PLXNA4: variants seen among roughly 807,000 people sequenced by gnomAD.
PLXNA4 encodes the protein plexin-A4.
A neutral mutation model predicts 191.8 loss-of-function variants in PLXNA4; 44 were observed. The observed-to-expected ratio is 0.23, with a 90% CI of 0.18 to 0.29. The LOEUF is 0.29. PLXNA4 is among the 10% of genes least tolerant of loss of function. The pLI is 1.00. For missense variants in PLXNA4, 1,800 were observed against 2,488.8 expected, an observed-to-expected ratio of 0.72 and a Z score of 5.89; for synonymous variants, 1,082 against 1,009.5, an observed-to-expected ratio of 1.07 and a Z score of -1.36.
At chr7:132,608,428 AAC>A (rs1802983918) in intron 2 of PLXNA4, among the ~76,000 whole-genome samples, 1 of 152,238 alleles carries the variant, frequency 6.6e-6, no homozygotes, top group Non-Finnish European at 1.5e-5. Context: ...TAGAATGAAT[AAC>A]ACAGAGTCAC....
intron 3 of PLXNA4, among the ~76,000 whole-genome samples, chr7:132,318,094 C>G (rs1290375849): frequency 6.6e-6 from 1 of 152,188 alleles, no homozygotes; most frequent in African/African-American, 2.4e-5. Flanking sequence ...TGAACCGAGA[C>G]AAGGCAATCT....
chr7:132,304,785 C>T (rs780417326), intron 3 of PLXNA4, among the ~76,000 whole-genome samples: 19 of 152,096 alleles, frequency 1.2e-4, no homozygotes, highest in Non-Finnish European at 2.1e-4. Context: ...CAACCCCAAC[C>T]GGCCCTCCCT....
chr7:132,371,124 G>A (rs1320337719), intron 3 of PLXNA4, among the ~76,000 whole-genome samples: 1 of 152,180 alleles, frequency 6.6e-6, no homozygotes, highest in African/African-American at 2.4e-5. Flanking sequence ...CCCCGTGGTT[G>A]GGCTGGGGAG....
chr7:132,327,963 GCTC>G (rs1802436849), intron 3 of PLXNA4, among the ~76,000 whole-genome samples: 1 of 152,292 alleles, frequency 6.6e-6, no homozygotes, highest in East Asian at 1.9e-4. Context: ...ACACAGGTGA[GCTC>G]CTCTGCATAT....
At chr7:132,190,672 G>A (rs1797057085) in intron 14 of PLXNA4, among the ~76,000 whole-genome samples, 1 of 152,320 alleles carries the variant, frequency 6.6e-6, no homozygotes, top group African/African-American at 2.4e-5. Context: ...CAGGGGTGGG[G>A]GCCTGGCTGC....
At chr7:132,441,997 G>C (rs1795716238) in intron 3 of PLXNA4, among the ~76,000 whole-genome samples, 1 of 152,184 alleles carries the variant, frequency 6.6e-6, no homozygotes, top group Admixed American at 6.5e-5. Flanking sequence ...TGACACTCCT[G>C]ACCTCAAATC....
In PLXNA4 at chr7:132,239,241, C is replaced by T. The variant is rs552988771; in HGVS notation, c.1604+1825G>A. Among the ~76,000 whole-genome samples, 5 of 152,262 alleles carry T rather than the reference C, an allele frequency of 3.3e-5. No homozygotes were observed. The South Asian group carries it at 6.2e-4, about 19-fold the overall frequency. On this transcript the variant is annotated intron_variant, in intron 5 of 31. Coordinates refer to ENST00000321063, the MANE Select transcript of PLXNA4 (RefSeq NM_020911.2). ...GCCATAAAGGAAGTACTGTCTTGTG[C>T]CTCCTCCTCTCATGTCTGCTTACCT... is the stretch of plus-strand genomic sequence containing the variant.
At chr7:132,197,382 T>C (rs370835949) in intron 13 of PLXNA4, among the ~76,000 whole-genome samples, 223 of 152,364 alleles carry the variant, frequency 1.5e-3, no homozygotes, top group African/African-American at 5.0e-3. Flanking sequence ...CTGGGTCCTC[T>C]ATCTTACTTT....
rs903065891 is a variant in PLXNA4 at position 132,548,419 on chromosome 7, G to A, written c.-87+28003C>T. ...CATTTTGTATGTATTTGGGGGTTTTGCTTGTGGAGAGAGCCCAGGAGTGGG... is the reference window on the plus strand; with the variant it reads ...CATTTTGTATGTATTTGGGGGTTTTACTTGTGGAGAGAGCCCAGGAGTGGG... On this transcript the variant is annotated intron_variant, in intron 1 of 31. Transcript: ENST00000321063. 2.6e-5 allele frequency among the ~76,000 whole-genome samples: 4 copies of A among 152,226 alleles called. No homozygotes were observed. The East Asian group carries it at 7.7e-4, about 29-fold the overall frequency.
At chr7:132,498,370 G>A (rs1407215732) in intron 2 of PLXNA4, among the ~76,000 whole-genome samples, 1 of 152,122 alleles carries the variant, frequency 6.6e-6, no homozygotes, top group African/African-American at 2.4e-5. Context: ...TCACAATCAT[G>A]GCAGAAGGCA....
intron 2 of PLXNA4, among the ~76,000 whole-genome samples, chr7:132,621,537 G>T (rs1177976521): frequency 1.3e-5 from 2 of 152,112 alleles, no homozygotes; most frequent in South Asian, 2.1e-4. Context: ...GGGATTACAG[G>T]CATGAGCCAT....
At chr7:132,353,800 AAGC>A (rs1255936420) in intron 3 of PLXNA4, among the ~76,000 whole-genome samples, 1 of 152,178 alleles carries the variant, frequency 6.6e-6, no homozygotes, top group Non-Finnish European at 1.5e-5. Context: ...GGTGGGGGGC[AAGC>A]AGTATCTTGC....
At chr7:132,638,785 G>T (rs1803660033) in intron 2 of PLXNA4, among the ~76,000 whole-genome samples, 1 of 152,126 alleles carries the variant, frequency 6.6e-6, no homozygotes, top group East Asian at 1.9e-4. Context: ...TAATGGTAAG[G>T]AAGCATCTTG....
chr7:132,357,153 A>G (rs1187885048), intron 3 of PLXNA4, among the ~76,000 whole-genome samples: 1 of 152,206 alleles, frequency 6.6e-6, no homozygotes, highest in Admixed American at 6.5e-5. Context: ...TAGAGACACC[A>G]TCTTCATCTA....
At chr7:132,268,081 A>G (rs1425936364) in intron 4 of PLXNA4, among the ~76,000 whole-genome samples, 2 of 152,218 alleles carry the variant, frequency 1.3e-5, no homozygotes. Context: ...AGCAAGTGCC[A>G]TTAGTGATCA....
In PLXNA4 at chr7:132,484,666, C is replaced by A. The variant is rs1217508444; in HGVS notation, c.1371+4626G>T. The A allele has an allele frequency of 1.1e-5, 14 of 1,309,736 alleles. No individual in the cohort carries two copies. The East Asian group carries it at 3.5e-4, about 33-fold the overall frequency. The allele number at this position is 1,309,736 out of a possible 1,614,324, so 81.1% of individuals were successfully genotyped here. Reference sequence around the variant, plus strand: ...CCGAACCCTGTATCAAATACATATGCCCTCTGCCCTAACCACATGTTCCTA... The same window carrying A: ...CCGAACCCTGTATCAAATACATATGACCTCTGCCCTAACCACATGTTCCTA... On this transcript the variant is annotated intron_variant, in intron 3 of 31. Coordinates refer to ENST00000321063, the MANE Select transcript of PLXNA4 (RefSeq NM_020911.2).
intron 27 of PLXNA4, 92 bp downstream of exon 27, chr7:132,147,808 C>T (rs1584763291): frequency 1.9e-6 from 3 of 1,557,652 alleles, no homozygotes; most frequent in East Asian, 2.3e-5. Context: ...TCTCCCCTCT[C>T]CAAGAGTCTC....
intron 2 of PLXNA4, among the ~76,000 whole-genome samples, chr7:132,627,832 G>A (rs1181821736): frequency 6.6e-6 from 1 of 152,196 alleles, no homozygotes; most frequent in East Asian, 1.9e-4. Context: ...CCTCCAGACT[G>A]TGGTTGCATA....
intron 3 of PLXNA4, among the ~76,000 whole-genome samples, chr7:132,374,688 A>G (rs910223287): frequency 4.3e-4 from 66 of 151,994 alleles, no homozygotes; most frequent in Non-Finnish European, 7.2e-4. Flanking sequence ...GCTCTACCAA[A>G]CTCCTGTTTT....
Sources: gnomAD v4.1 joint callset for allele counts (sites outside exome capture counted in the v4.1 genomes callset) on GRCh38, gnomAD v4.1.1 for gene constraint, MANE v1.5 for transcripts, NCBI Gene and HGNC (gene_info 2026-07-23, HGNC 2026-07-21) for gene names.